Variants in LRRC43 observed in about 807,000 individuals in gnomAD.
LRRC43 encodes the protein leucine rich repeat containing 43.
In LRRC43, 62 loss-of-function variants were observed where a neutral mutation model predicts 64.3. The ratio of observed to expected loss-of-function variants is 0.96; its 90% confidence interval spans 0.79 to 1.19. The LOEUF (loss-of-function observed/expected upper bound fraction) is 1.19. Ranked by LOEUF, LRRC43 falls within the 50% of genes most tolerant of loss-of-function variation. LRRC43 has a pLI of 0.00. For synonymous variants in LRRC43, 422 were observed against 382.3 expected (o/e 1.10, Z -1.21); for missense variants, 868 against 845.0 (o/e 1.03, Z -0.34).
At position 122,200,217 on chromosome 12, in the gene LRRC43, C is replaced by G; in HGVS notation, c.1378C>G (p.Pro460Ala). ...TGTCCTCTTCAGCACTGCCCACAAG[C>G]CCTGGGCTGAGGTCATCCCCTGCAG... ...GTVLFSTAHK[P>A]WAEVIPCSYE... The change falls in exon 8 of 12, where the codon CCC becomes GCC. Residue 460 changes from proline (P) to alanine (A), a missense_variant. Coordinates refer to ENST00000339777, the MANE Select transcript of LRRC43 (RefSeq NM_001098519.2). This position sits in a 1 kb window ranked among gnomAD's most constrained non-coding sequence, Gnocchi z 4.6. 1 of 1,614,064 alleles carries G rather than the reference C, an allele frequency of 6.2e-7. No homozygotes were observed. The highest frequency in any genetic ancestry group is 8.5e-7 in the Non-Finnish European group (1 of 1,179,972).
intron 1 of LRRC43, among the ~76,000 whole-genome samples, chr12:122,174,485 A>G (rs539145250): frequency 6.6e-6 from 1 of 152,308 alleles, no homozygotes; most frequent in East Asian, 1.9e-4. Flanking sequence ...GAGCCTGTTG[A>G]TTTGACTAGA....
Position 122,200,601 on chromosome 12 carries a change from A to AAAGAC in LRRC43, c.1566_1570dup (p.Lys524ThrfsTer24). 1 of 1,614,138 alleles carries AAAGAC rather than the reference A, an allele frequency of 6.2e-7. No individual in the cohort carries two copies. Among genetic ancestry groups the AAAGAC allele is most frequent in the Non-Finnish European group, 8.5e-7 (1 of 1,180,018 alleles). On this transcript the variant is annotated frameshift_variant, in exon 9 of 12. Coordinates refer to ENST00000339777, the MANE Select transcript of LRRC43 (RefSeq NM_001098519.2). LOFTEE classifies it high-confidence loss of function. The surrounding 1 kb of genome is among the most constrained non-coding windows in gnomAD (Gnocchi z 4.6). ...GTCTGCCAAGAAAGGAAAGGGGGAGAAAGACAAGAAAGGGAAGGAGAAAGA... is the reference window on the plus strand; with the variant it reads ...GTCTGCCAAGAAAGGAAAGGGGGAGAAAGACAAGACAAGAAAGGGAAGGAGAAAGA...
In LRRC43 at chr12:122,184,547, G is replaced by A. The variant is rs189080619; in HGVS notation, c.179G>A (p.Trp60Ter). Reference sequence around the variant, plus strand: ...AAGTCGCGCTTTCTTCCTCAAACTTGGCGAACTTGGAGGGAGCTTGTCCCC... The same window carrying A: ...AAGTCGCGCTTTCTTCCTCAAACTTAGCGAACTTGGAGGGAGCTTGTCCCC... The part of the protein sequence containing the change: ...WNKSRFLPQT[W>*]RTWRELVPRE... Residue 60 changes from tryptophan (W) to a stop codon, truncating the protein, a stop_gained, in exon 2 of 12, where the codon TGG becomes TAG. Coordinates refer to ENST00000339777, the MANE Select transcript of LRRC43 (RefSeq NM_001098519.2). LOFTEE classifies it high-confidence loss of function. The surrounding 1 kb of genome is among the most constrained non-coding windows in gnomAD (Gnocchi z 4.0). 59 of 1,613,656 alleles carry A rather than the reference G, an allele frequency of 3.7e-5. No individual in the cohort carries two copies. Among genetic ancestry groups the A allele is most frequent in the Middle Eastern group, 3.3e-4 (2 of 6,062 alleles).
chr12:122,199,046 C>A (rs1488417537), intron 7 of LRRC43, among the ~76,000 whole-genome samples: 1 of 150,510 alleles, frequency 6.6e-6, no homozygotes, highest in Non-Finnish European at 1.5e-5. Flanking sequence ...GGCGCGATCT[C>A]GGCTCACTGC....
chr12:122,200,471 AG>A lies in LRRC43; in HGVS notation c.1492-59del. On this transcript the variant is annotated intron_variant, in intron 8 of 11. Coordinates refer to ENST00000339777, the MANE Select transcript of LRRC43 (RefSeq NM_001098519.2). This position sits in a 1 kb window ranked among gnomAD's most constrained non-coding sequence, Gnocchi z 4.6. Reference sequence around the variant, plus strand: ...CGCCATTCCAGAAAGGGTGAGGGAGAGGTGACCCCAGGCAGCCCGCCTGGGC... The same window carrying A: ...CGCCATTCCAGAAAGGGTGAGGGAGAGTGACCCCAGGCAGCCCGCCTGGGC... The A allele has an allele frequency of 6.2e-7, 1 of 1,611,330 alleles. No individual in the cohort carries two copies. Among genetic ancestry groups the A allele is most frequent in the Non-Finnish European group, 8.5e-7 (1 of 1,177,924 alleles).
At chr12:122,170,792 G>A (rs1270228421) in intron 1 of LRRC43, among the ~76,000 whole-genome samples, 5 of 151,940 alleles carry the variant, frequency 3.3e-5, no homozygotes, top group African/African-American at 2.4e-5. Flanking sequence ...AGTTTCCCCC[G>A]AGATAAGATG....
chr12:122,179,010 G>C (rs1392015145), upstream of LRRC43, among the ~76,000 whole-genome samples: 1 of 152,210 alleles, frequency 6.6e-6, no homozygotes, highest in African/African-American at 2.4e-5. Context: ...TGGTACAAAC[G>C]AAGAGGATCA....
chr12:122,185,774 G>A (rs940806576), intron 2 of LRRC43, among the ~76,000 whole-genome samples: 3 of 152,192 alleles, frequency 2.0e-5, no homozygotes, highest in Non-Finnish European at 4.4e-5. Context: ...TGTCTTTGAG[G>A]TCACAGGAAC....
intron 6 of LRRC43, among the ~76,000 whole-genome samples, 170 bp from the exon 7 acceptor site, chr12:122,192,575 A>G (rs1336801354): frequency 6.6e-6 from 1 of 152,206 alleles, no homozygotes; most frequent in Non-Finnish European, 1.5e-5. Flanking sequence ...TAGGTCTTTC[A>G]GAAAAGACAA....
chr12:122,192,387 C>T (rs1317922003), intron 6 of LRRC43, among the ~76,000 whole-genome samples: 11 of 152,082 alleles, frequency 7.2e-5, no homozygotes, highest in Admixed American at 2.0e-4. Context: ...CCGCCTGCCT[C>T]GGCCTCCCAA....
chr12:122,187,612 A>G, intron 3 of LRRC43, 89 bp from the exon 4 acceptor site: 1 of 1,249,824 alleles, frequency 8.0e-7, no homozygotes, highest in Non-Finnish European at 1.1e-6. Flanking sequence ...TGATTCCTCT[A>G]CTAAGTTTTG....
At chr12:122,182,763 T>A (rs1953593729), upstream of LRRC43, among the ~76,000 whole-genome samples, 1 of 152,074 alleles carries the variant, frequency 6.6e-6, no homozygotes, top group Non-Finnish European at 1.5e-5. Context: ...AGGTGGACAG[T>A]GATAAAATCC....
chr12:122,183,079 G>T (rs1292077925), upstream of LRRC43: 3 of 1,498,370 alleles, frequency 2.0e-6, no homozygotes, highest in African/African-American at 2.9e-5. Context: ...GCAGGTGAGA[G>T]CGCCTGGAGA....
chr12:122,173,695 A>G, intron 1 of LRRC43: 2 of 670,760 alleles, frequency 3.0e-6, no homozygotes, highest in East Asian at 5.6e-5. Flanking sequence ...AAAAAAAAAA[A>G]AAAGCCATCT....
At chr12:122,201,074 C>A in intron 10 of LRRC43, 140 bp downstream of exon 10, 2 of 1,167,734 alleles carry the variant, frequency 1.7e-6, no homozygotes, top group Non-Finnish European at 2.4e-6. Flanking sequence ...GGGCATGCAG[C>A]TGGGCTGCTG....
intron 7 of LRRC43, among the ~76,000 whole-genome samples, chr12:122,194,681 G>C (rs1265676623): frequency 6.6e-6 from 1 of 151,966 alleles, no homozygotes; most frequent in African/African-American, 2.4e-5. Context: ...ATGTTGACCA[G>C]GTTGGTCTTG....
chr12:122,178,101 G>A (rs1566004633), intron 1 of LRRC43, among the ~76,000 whole-genome samples: 1 of 151,750 alleles, frequency 6.6e-6, no homozygotes, highest in Non-Finnish European at 1.5e-5. Context: ...GCCTCCCAAG[G>A]TGCTAGGATT....
chr12:122,178,112 A>C (rs1476478595), intron 1 of LRRC43, among the ~76,000 whole-genome samples: 1 of 151,944 alleles, frequency 6.6e-6, no homozygotes, highest in African/African-American at 2.4e-5. Flanking sequence ...TGCTAGGATT[A>C]CAAGTGGGAG....
intron 4 of LRRC43, chr12:122,189,327 C>T (rs1953685670): frequency 6.9e-6 from 3 of 435,424 alleles, no homozygotes; most frequent in East Asian, 7.0e-5. Context: ...CCTCTACATG[C>T]CTGGAGCGGG....
Sources: gnomAD v4.1 joint callset for allele counts (sites outside exome capture counted in the v4.1 genomes callset) on GRCh38, gnomAD v4.1.1 for gene constraint, Gnocchi (gnomAD v3.1) non-coding constraint, MANE v1.5 for transcripts, NCBI Gene and HGNC (gene_info 2026-07-23, HGNC 2026-07-21) for gene names.